Variants in ERC2 observed in about 807,000 individuals in gnomAD.
ERC2 encodes ERC protein 2.
Under a neutral mutation model 114.8 loss-of-function variants are expected in ERC2, and 42 were observed. That is an observed-to-expected ratio of 0.37 (90% CI 0.29 to 0.47). The LOEUF (loss-of-function observed/expected upper bound fraction) is 0.47. Ranked by LOEUF, ERC2 falls within the 20% of genes least tolerant of loss-of-function variation. ERC2 has a pLI of 0.99. For missense variants in ERC2, 939 were observed against 1,150.7 expected (o/e 0.82, Z 2.66); for synonymous variants, 454 against 425.5 (o/e 1.07, Z -0.82).
chr3:56,087,451 C>T (rs921951356), intron 6 of ERC2, among the ~76,000 whole-genome samples: 1 of 152,080 alleles, frequency 6.6e-6, no homozygotes, highest in Non-Finnish European at 1.5e-5. Context: ...ACATAAGACA[C>T]TCGACCTTTC....
intron 12 of ERC2, among the ~76,000 whole-genome samples, chr3:55,982,958 C>T (rs527258603): frequency 9.8e-5 from 15 of 152,342 alleles, no homozygotes; most frequent in East Asian, 3.9e-4. Context: ...TCTATAATAA[C>T]GAGCTCACGC....
chr3:55,971,624 G>A (rs555083212), intron 12 of ERC2, among the ~76,000 whole-genome samples: 13 of 152,266 alleles, frequency 8.5e-5, no homozygotes, highest in Admixed American at 2.6e-4. Context: ...AAGGGGGCTG[G>A]AGAGAGAGAA....
chr3:56,411,418 G>A (rs1214305767), intron 2 of ERC2, among the ~76,000 whole-genome samples: 1 of 151,714 alleles, frequency 6.6e-6, no homozygotes, highest in Admixed American at 6.6e-5. Flanking sequence ...AATTGTTTCA[G>A]CACGCCGGAA....
At chr3:55,573,341 A>G (rs2056818761) in intron 17 of ERC2, among the ~76,000 whole-genome samples, 1 of 152,236 alleles carries the variant, frequency 6.6e-6, no homozygotes, top group Non-Finnish European at 1.5e-5. Flanking sequence ...TGCATTTAGC[A>G]TGAAGCCAGG....
intron 17 of ERC2, among the ~76,000 whole-genome samples, chr3:55,636,494 A>G (rs1447038616): frequency 6.6e-6 from 1 of 152,240 alleles, no homozygotes; most frequent in Admixed American, 6.5e-5. Flanking sequence ...GGCTTGGCAC[A>G]GTGCATAGAG....
chr3:56,088,775 C>T (rs138668398), intron 6 of ERC2, among the ~76,000 whole-genome samples: 2 of 152,156 alleles, frequency 1.3e-5, no homozygotes, highest in Non-Finnish European at 2.9e-5. Flanking sequence ...AATAACAGTA[C>T]GTCCTTCATT....
chr3:55,818,736 C>T (rs937828168), intron 14 of ERC2, among the ~76,000 whole-genome samples: 2 of 152,234 alleles, frequency 1.3e-5, no homozygotes, highest in Admixed American at 6.5e-5. Context: ...CAATGCCTAG[C>T]ATTCACCAAT....
intron 17 of ERC2, among the ~76,000 whole-genome samples, chr3:55,656,376 T>C (rs1263422725): frequency 2.1e-4 from 32 of 152,186 alleles, no homozygotes; most frequent in Non-Finnish European, 4.6e-4. Context: ...CAGGCTAGTC[T>C]TGAACTCCTG....
At chr3:56,348,064 T>G (rs1174283242) in intron 2 of ERC2, among the ~76,000 whole-genome samples, 1 of 152,170 alleles carries the variant, frequency 6.6e-6, no homozygotes, top group Non-Finnish European at 1.5e-5. Context: ...TCCCATCTGT[T>G]GTTCTCAAAT....
intron 17 of ERC2, among the ~76,000 whole-genome samples, chr3:55,540,531 A>C (rs1343133657): frequency 2.0e-5 from 3 of 152,210 alleles, no homozygotes; most frequent in Non-Finnish European, 2.9e-5. Flanking sequence ...TCCAAGATTT[A>C]ATGAAAGCTC....
chr3:56,447,289 G>A (rs1340657215), intron 1 of ERC2, among the ~76,000 whole-genome samples: 1 of 152,226 alleles, frequency 6.6e-6, no homozygotes, highest in African/African-American at 2.4e-5. Flanking sequence ...CCTCAACAGC[G>A]ACACCTTGTG....
At chr3:55,680,858 A>G (rs2062023840) in intron 17 of ERC2, among the ~76,000 whole-genome samples, 1 of 152,192 alleles carries the variant, frequency 6.6e-6, no homozygotes, top group South Asian at 2.1e-4. Context: ...AGAATATAGG[A>G]ATATATGTTT....
At chr3:55,520,533 T>C (rs977968423) in intron 17 of ERC2, among the ~76,000 whole-genome samples, 2 of 152,072 alleles carry the variant, frequency 1.3e-5, no homozygotes, top group Non-Finnish European at 2.9e-5. Context: ...TTGAATACTG[T>C]GGAACACATC....
chr3:55,609,196 G>A (rs963676707), intron 17 of ERC2, among the ~76,000 whole-genome samples: 7 of 152,172 alleles, frequency 4.6e-5, no homozygotes, highest in African/African-American at 1.7e-4. Context: ...GTGTGTGGGT[G>A]CCTCTCTTAC....
At chr3:56,210,491 T>G (rs1485264279) in intron 3 of ERC2, among the ~76,000 whole-genome samples, 2 of 152,238 alleles carry the variant, frequency 1.3e-5, no homozygotes, top group Non-Finnish European at 2.9e-5. Context: ...AAATGAATAA[T>G]GCATCCACAC....
At chr3:55,928,911 T>C (rs971500537) in intron 13 of ERC2, among the ~76,000 whole-genome samples, 1 of 152,148 alleles carries the variant, frequency 6.6e-6, no homozygotes, top group Non-Finnish European at 1.5e-5. Context: ...TGAAAACGAG[T>C]TCACTGTAGA....
At chr3:56,434,015 C>A (rs879496326) in intron 2 of ERC2, 4 of 256,012 alleles carry the variant, frequency 1.6e-5, no homozygotes, top group Non-Finnish European at 3.0e-5. Context: ...TTCTTCTATT[C>A]AGAAGGAGGT....
chr3:56,227,795 C>T (rs1023000471), intron 3 of ERC2, among the ~76,000 whole-genome samples: 9 of 152,088 alleles, frequency 5.9e-5, no homozygotes, highest in African/African-American at 1.7e-4. Context: ...GAGAAATGAG[C>T]GAAGATGTCC....
chr3:56,122,675 T>C (rs2079645672), intron 6 of ERC2, among the ~76,000 whole-genome samples: 2 of 152,156 alleles, frequency 1.3e-5, no homozygotes, highest in South Asian at 4.1e-4. Flanking sequence ...CCCAGAAAAC[T>C]GTAGGCAATA....
Sources: gnomAD v4.1 joint callset for allele counts (sites outside exome capture counted in the v4.1 genomes callset) on GRCh38, gnomAD v4.1.1 for gene constraint, MANE v1.5 for transcripts, NCBI Gene and HGNC (gene_info 2026-07-23, HGNC 2026-07-21) for gene names.